TARBP1: variants seen among roughly 807,000 people sequenced by gnomAD.
TARBP1 encodes tRNA (guanosine(18)-2'-O)-methyltransferase TARBP1.
In TARBP1, 144 loss-of-function variants were observed where a neutral mutation model predicts 178.6. That is an observed-to-expected ratio of 0.81 (90% CI 0.70 to 0.93). The LOEUF is 0.93. Ranked by LOEUF, TARBP1 falls within the 40% of genes least tolerant of loss-of-function variation. The pLI is 0.00. For synonymous variants in TARBP1, 787 were observed against 781.0 expected (o/e 1.01, Z -0.13); for missense variants, 2,067 against 2,011.7 (o/e 1.03, Z -0.53).
rs150036379 is a variant in TARBP1 at position 234,405,950 on chromosome 1, A to G, written c.3942T>C (p.Pro1314=). ...LSVEEFDALT[P]VIESSLHQVE... Reference sequence around the variant, plus strand: ...CTTGATGGAGGCTGGATTCAATCACAGGAGTCAGGGCATCAAATTCTTCAA... The same window carrying G: ...CTTGATGGAGGCTGGATTCAATCACGGGAGTCAGGGCATCAAATTCTTCAA... The change falls in exon 24 of 30, where the codon CCT becomes CCC. Residue 1314 remains proline, a synonymous_variant. Coordinates refer to ENST00000040877, the MANE Select transcript of TARBP1 (RefSeq NM_005646.4). The G allele has an allele frequency of 6.2e-7, 1 of 1,614,114 alleles. No homozygotes were observed. Among genetic ancestry groups the G allele is most frequent in the African/African-American group, 1.3e-5 (1 of 74,940 alleles).
chr1:234,478,987 A>C lies in TARBP1; in HGVS notation c.117T>G (p.Leu39=). ...CCTCCTCGTCCTCGAGCCGCTGCAG[A>C]AGGAAGCGCAGCGTCTCCACGCGCT... ...SAERVETLRF[L]LQRLEDEEAR... The change falls in exon 1 of 30, where the codon CTT becomes CTG. Residue 39 remains leucine, a synonymous_variant. Coordinates refer to ENST00000040877, the MANE Select transcript of TARBP1 (RefSeq NM_005646.4). 6.7e-7 allele frequency: 1 copy of C among 1,492,962 alleles called. No homozygotes were observed. The highest frequency in any genetic ancestry group is 1.3e-5 in the South Asian group (1 of 79,950). The allele number at this position is 1,492,962 out of a possible 1,614,324, so 92.5% of individuals were successfully genotyped here.
rs558286682 is a variant in TARBP1, at chr1:234,402,794, C to A, written c.3990-1532G>T. On this transcript the variant is annotated intron_variant, in intron 24 of 29. Transcript: ENST00000040877. Reference sequence around the variant, plus strand: ...GAGAACGGGGTTTTGCCATGTTGCCCAGGCTGATCTTGAACTCCTGGGCTC... The same window carrying A: ...GAGAACGGGGTTTTGCCATGTTGCCAAGGCTGATCTTGAACTCCTGGGCTC... Among the ~76,000 whole-genome samples the A allele has an allele frequency of 2.6e-5, 4 of 152,142 alleles. No individual in the cohort carries two copies. In the South Asian group the frequency reaches 6.2e-4, roughly 24 times the overall value.
intron 24 of TARBP1, among the ~76,000 whole-genome samples, chr1:234,402,695 C>A (rs1053964892): frequency 1.6e-4 from 24 of 152,084 alleles, no homozygotes; most frequent in African/African-American, 4.8e-4. Context: ...TCACCTCAGC[C>A]TCCCGAGGTG....
chr1:234,405,209 A>T (rs1007962680), intron 24 of TARBP1: 1 of 152,192 alleles, frequency 6.6e-6, no homozygotes, highest in Admixed American at 6.5e-5. Flanking sequence ...GTGTCTCTAA[A>T]ATTTAAAAAA....
intron 23 of TARBP1, 58 bp from the exon 24 acceptor site, chr1:234,406,157 T>G (rs1273271259): frequency 6.7e-7 from 1 of 1,499,372 alleles, no homozygotes; most frequent in Admixed American, 1.9e-5. Flanking sequence ...TTACTCTCAC[T>G]TGTATGACAC....
intron 19 of TARBP1, among the ~76,000 whole-genome samples, chr1:234,426,814 C>T (rs1663827435): frequency 6.6e-6 from 1 of 152,186 alleles, no homozygotes; most frequent in Non-Finnish European, 1.5e-5. Flanking sequence ...AAGTTGTACA[C>T]ATTAACTATG....
Position 234,427,676 on chromosome 1 carries a change from CAG to C in TARBP1, c.3149_3150del (p.Ser1050CysfsTer13). 6.3e-7 allele frequency: 1 copy of C among 1,579,406 alleles called. No homozygotes were observed. The highest frequency in any genetic ancestry group is 1.7e-4 in the Middle Eastern group (1 of 5,898). On this transcript the variant is annotated frameshift_variant, in exon 18 of 30. Transcript: ENST00000040877. LOFTEE classifies it high-confidence loss of function. ...ISYCCQSWIV[S>X]ASNVSQGSLS... is the part of the protein sequence containing the mutation. ...AAAGATCCTTGGGACACATTTGAAG[CAG>C]ACACTATCCAAGACTGACAGCAGTA...
rs745878838 is a variant in TARBP1 at position 234,430,153 on chromosome 1, T to C, written c.2543A>G (p.Asn848Ser). 37 of 1,614,042 alleles carry C rather than the reference T, an allele frequency of 2.3e-5. No individual in the cohort carries two copies. The highest frequency in any genetic ancestry group is 2.2e-4 in the South Asian group (20 of 91,080). The change falls in exon 15 of 30, where the codon AAT (asparagine) becomes AGT (serine). Residue 848 changes from asparagine to serine, a missense_variant. By Grantham distance (46) the Asn-to-Ser change is conservative. Coordinates refer to ENST00000040877, the MANE Select transcript of TARBP1 (RefSeq NM_005646.4). ...LESFLSSLQL[N>S]QTLQKPHAEE... The stretch of plus-strand genomic sequence containing the variant: ...TGCGTGGGGCTTCTGCAGCGTCTGA[T>C]TGAGCTGAAGAGAGGAAAGGAAGCT...
intron 3 of TARBP1, among the ~76,000 whole-genome samples, chr1:234,469,608 A>C (rs955978568): frequency 6.6e-6 from 1 of 152,370 alleles, no homozygotes. Flanking sequence ...TTAAACTGTA[A>C]TTATCTAGAG....
intron 28 of TARBP1, chr1:234,392,865 C>G (rs558640917): frequency 5.7e-6 from 1 of 174,350 alleles, no homozygotes; most frequent in African/African-American, 2.4e-5. Flanking sequence ...CGCCCACCAC[C>G]ACGCCCGGCT....
chr1:234,427,696 C>A lies in TARBP1; in HGVS notation c.3131G>T (p.Cys1044Phe), dbSNP rs1439818786. Residue 1044 changes from cysteine to phenylalanine, a missense_variant, in exon 18 of 30, where the codon TGT becomes TTT. By Grantham distance (205) the Cys-to-Phe change is radical (BLOSUM62 -2). Transcript: ENST00000040877. ...TGAAGCAGACACTATCCAAGACTGA[C>A]AGCAGTAACTTATCAGTGTATTGAA... ...GVFNTLISYC[C>F]QSWIVSASNV... is the part of the protein sequence containing the mutation. 2 of 1,551,352 alleles carry A rather than the reference C, an allele frequency of 1.3e-6. No individual in the cohort carries two copies. The highest frequency in any genetic ancestry group is 1.3e-5 in the South Asian group (1 of 79,348).
At chr1:234,414,216 G>A (rs1016375809) in intron 22 of TARBP1, among the ~76,000 whole-genome samples, 1 of 152,200 alleles carries the variant, frequency 6.6e-6, no homozygotes, top group Non-Finnish European at 1.5e-5. Flanking sequence ...ATATGAAAAT[G>A]CATGGACATG....
chr1:234,455,302 G>C (rs270518), intron 9 of TARBP1, among the ~76,000 whole-genome samples: 31,409 of 152,064 alleles, frequency 0.21, 4,107 homozygotes, highest in African/African-American at 0.37. Context: ...CCCAACCTCT[G>C]ACCAGCAATC....
Position 234,393,730 on chromosome 1 carries a change from G to C in TARBP1, c.4351C>G (p.Gln1451Glu). Residue 1451 changes from glutamine to glutamate, a missense_variant, in exon 27 of 30, where the codon CAG becomes GAG. Physicochemically the swap from Gln to Glu is conservative, Grantham distance 29 (BLOSUM62 2). Coordinates refer to ENST00000040877, the MANE Select transcript of TARBP1 (RefSeq NM_005646.4). The part of the protein sequence containing the change: ...VSDLDLELLF[Q>E]DRAARLGKSI... ...TTTCCAAGTCTGGCAGCACGATCCT[G>C]AAACAGGAGCTCCAGGTCTAAGTCG... The C allele has an allele frequency of 6.2e-7, 1 of 1,613,986 alleles. No homozygotes were observed. The highest frequency in any genetic ancestry group is 1.1e-5 in the South Asian group (1 of 91,082).
intron 8 of TARBP1, among the ~76,000 whole-genome samples, chr1:234,458,150 C>T (rs1000939847): frequency 2.6e-5 from 4 of 152,132 alleles, no homozygotes; most frequent in Non-Finnish European, 5.9e-5. Context: ...TCGAGACCAG[C>T]CTGGCTAATA....
chr1:234,406,000 A>G lies in TARBP1; in HGVS notation c.3892T>C (p.Trp1298Arg). Residue 1298 changes from tryptophan (W) to arginine (R), a missense_variant, in exon 24 of 30, where the codon TGG becomes CGG. Physicochemically the swap from Trp to Arg is moderately radical, Grantham distance 101. Transcript: ENST00000040877. The part of the protein sequence containing the change: ...LYALVALKKL[W>R]TVCKVLSVEE... ...ACACTTAACACTTTACACACAGTCC[A>G]GAGTTTCTTAAGAGCAACTAAAGCA... 1 of 1,614,198 alleles carries G rather than the reference A, an allele frequency of 6.2e-7. No individual in the cohort carries two copies. Among genetic ancestry groups the G allele is most frequent in the Non-Finnish European group, 8.5e-7 (1 of 1,180,016 alleles).
At chr1:234,462,909 C>T (rs895692799) in intron 6 of TARBP1, among the ~76,000 whole-genome samples, 24 of 152,214 alleles carry the variant, frequency 1.6e-4, no homozygotes, top group African/African-American at 4.6e-4. Flanking sequence ...GAAAAAAATA[C>T]GTATTTCATA....
Position 234,393,810 on chromosome 1 carries a change from T to C in TARBP1, c.4271A>G (p.Gln1424Arg), listed in dbSNP as rs532666187. ...CTTCTGAACGTCGGTCCACTCCGCT[T>C]GGTTATCTGCTTCGACCAAATTAGT... ...IGTNLVEADN[Q>R]AEWTDVQKKI... The change falls in exon 27 of 30, where the codon CAA (glutamine) becomes CGA (arginine). Residue 1424 changes from glutamine (Q) to arginine (R), a missense_variant. By Grantham distance (43) the Gln-to-Arg change is conservative. Coordinates refer to ENST00000040877, the MANE Select transcript of TARBP1 (RefSeq NM_005646.4). 5 of 1,612,962 alleles carry C rather than the reference T, an allele frequency of 3.1e-6. No homozygotes were observed. Among genetic ancestry groups the C allele is most frequent in the East Asian group, 4.5e-5 (2 of 44,866 alleles).
At chr1:234,435,008 G>A (rs1664855580) in intron 13 of TARBP1, among the ~76,000 whole-genome samples, 1 of 152,190 alleles carries the variant, frequency 6.6e-6, no homozygotes, top group Non-Finnish European at 1.5e-5. Context: ...TTAAGTTTAT[G>A]AAAAAGAGTC....
Sources: allele counts gnomAD v4.1 joint callset (sites outside exome capture counted in the v4.1 genomes callset), GRCh38; gene constraint gnomAD v4.1.1; transcripts MANE v1.5; gene names NCBI Gene and HGNC (gene_info 2026-07-23, HGNC 2026-07-21).